SLC39A11: variants seen among roughly 807,000 people sequenced by gnomAD.
The protein encoded by SLC39A11 is solute carrier family 39 member 11.
In SLC39A11, 33 loss-of-function variants were observed where a neutral mutation model predicts 36.1. The ratio of observed to expected loss-of-function variants is 0.91; its 90% CI spans 0.69 to 1.22. The LOEUF (loss-of-function observed/expected upper bound fraction) is 1.22. Ranked by LOEUF, SLC39A11 falls within the 50% of genes most tolerant of loss-of-function variation. The probability of loss-of-function intolerance (pLI) is 0.00; values close to 1 mark genes in which losing one functional copy is unlikely to be tolerated. For missense variants in SLC39A11, 432 were observed against 430.3 expected (o/e 1.00, Z -0.03); for synonymous variants, 166 against 170.3 (o/e 0.97, Z 0.20).
At chr17:73,038,629 C>G (rs1230445947) in intron 3 of SLC39A11, among the ~76,000 whole-genome samples, 1 of 151,452 alleles carries the variant, frequency 6.6e-6, no homozygotes, top group Non-Finnish European at 1.5e-5. Context: ...ATCACTTGAA[C>G]CCAGGAGGCA....
chr17:72,923,414 A>G (rs1313444787), intron 5 of SLC39A11, among the ~76,000 whole-genome samples: 1 of 152,242 alleles, frequency 6.6e-6, no homozygotes, highest in Non-Finnish European at 1.5e-5. Context: ...CTGCATATAT[A>G]CAAAGAGCCA....
At chr17:72,692,502 G>C (rs979886331) in intron 7 of SLC39A11, among the ~76,000 whole-genome samples, 4 of 152,134 alleles carry the variant, frequency 2.6e-5, no homozygotes, top group African/African-American at 9.7e-5. Context: ...TTACATGGTG[G>C]CAGCAAGAGA....
chr17:72,652,237 T>G (rs1355676958), intron 7 of SLC39A11, among the ~76,000 whole-genome samples: 1 of 152,208 alleles, frequency 6.6e-6, no homozygotes, highest in East Asian at 1.9e-4. Context: ...GATAGCTCAG[T>G]GGCTGCAGAA....
Position 72,745,716 on chromosome 17 carries a change from C to G in SLC39A11, c.602-8997G>C, listed in dbSNP as rs539249582. Among the ~76,000 whole-genome samples, 6 of 152,288 alleles carry G rather than the reference C, an allele frequency of 3.9e-5. 1 individual carries two copies. In the South Asian group the frequency reaches 1.2e-3, roughly 32 times the overall value. Reference sequence around the variant, plus strand: ...TCCAACTGGGCCTCTGGTTTAAGCACTCATAGTATCAGTTTTAGAAGTTAT... The same window carrying G: ...TCCAACTGGGCCTCTGGTTTAAGCAGTCATAGTATCAGTTTTAGAAGTTAT... On this transcript the variant is annotated intron_variant, in intron 6 of 9. Transcript: ENST00000255559.
At chr17:72,995,589 C>T (rs2089456635) in intron 4 of SLC39A11, among the ~76,000 whole-genome samples, 1 of 152,164 alleles carries the variant, frequency 6.6e-6, no homozygotes, top group South Asian at 2.1e-4. Context: ...CCATGGAGGG[C>T]CTGAATAGAA....
chr17:72,980,673 A>G (rs2088231663), intron 4 of SLC39A11, among the ~76,000 whole-genome samples: 1 of 152,226 alleles, frequency 6.6e-6, no homozygotes, highest in African/African-American at 2.4e-5. Flanking sequence ...AGCAACTGAA[A>G]CAGAATAGTA....
intron 4 of SLC39A11, among the ~76,000 whole-genome samples, chr17:72,987,670 C>T (rs2088857682): frequency 1.3e-5 from 2 of 152,082 alleles, no homozygotes; most frequent in African/African-American, 4.8e-5. Flanking sequence ...TGTTTTTTTC[C>T]TTGCCTAAAG....
intron 5 of SLC39A11, among the ~76,000 whole-genome samples, chr17:72,930,255 T>C (rs148644176): frequency 4.0e-4 from 61 of 152,296 alleles, no homozygotes; most frequent in African/African-American, 1.5e-3. Context: ...CCTGTTCCCT[T>C]GCTTTGTTGT....
chr17:72,751,861 G>C (rs1182167663), intron 6 of SLC39A11, among the ~76,000 whole-genome samples: 1 of 151,838 alleles, frequency 6.6e-6, no homozygotes, highest in Non-Finnish European at 1.5e-5. Flanking sequence ...ACAGGTATGA[G>C]CCACTGCACC....
intron 4 of SLC39A11, among the ~76,000 whole-genome samples, chr17:73,000,748 C>T (rs1287908213): frequency 6.6e-6 from 1 of 152,180 alleles, no homozygotes; most frequent in Non-Finnish European, 1.5e-5. Flanking sequence ...TTTTTAAAAT[C>T]CTACATTGAC....
chr17:73,083,015 CAAAAAAAAAA>C (rs34607510), intron 3 of SLC39A11, among the ~76,000 whole-genome samples: 1 of 89,784 alleles, frequency 1.1e-5, no homozygotes, highest in African/African-American at 4.5e-5. Flanking sequence ...GACTCCATTT[CAAAAAAAAAA>C]AAAAAAAAAA....
intron 6 of SLC39A11, among the ~76,000 whole-genome samples, chr17:72,756,834 T>C (rs1482466414): frequency 6.6e-6 from 1 of 152,044 alleles, no homozygotes; most frequent in African/African-American, 2.4e-5. Flanking sequence ...GAAAAAAAAC[T>C]AAAATGAAGG....
chr17:73,047,990 AATATATATAT>A lies in SLC39A11; in HGVS notation c.148-16286_148-16277del, dbSNP rs151142811. ...TCAAAAAAAAAAAAAAAAAAAAAAA[AATATATATAT>A]ATATATATATATATATATATATATA... On this transcript the variant is annotated intron_variant, in intron 3 of 9. Transcript: ENST00000255559. 3.4e-3 allele frequency among the ~76,000 whole-genome samples: 201 copies of A among 58,558 alleles called. 2 individuals carry two copies. Among genetic ancestry groups the A allele is most frequent in the East Asian group, 0.023 (43 of 1,866 alleles). The allele number at this position is 58,558 out of a possible 152,430, so 38.4% of individuals were successfully genotyped here. A position where few individuals can be genotyped will look rare whatever the true frequency, so the allele number is the denominator to read the frequency against.
At chr17:72,887,886 A>T (rs1438026422) in intron 5 of SLC39A11, among the ~76,000 whole-genome samples, 2 of 152,196 alleles carry the variant, frequency 1.3e-5, no homozygotes, top group Non-Finnish European at 2.9e-5. Flanking sequence ...CTAAACCCTA[A>T]GTGTGAATGT....
chr17:72,944,890 T>C (rs1265386522), intron 5 of SLC39A11, among the ~76,000 whole-genome samples: 6 of 152,218 alleles, frequency 3.9e-5, no homozygotes, highest in African/African-American at 9.6e-5. Context: ...GGTGTGATTA[T>C]AGAAACATGA....
At chr17:72,826,505 A>G (rs528595904) in intron 6 of SLC39A11, among the ~76,000 whole-genome samples, 1 of 152,364 alleles carries the variant, frequency 6.6e-6, no homozygotes, top group South Asian at 2.1e-4. Flanking sequence ...AATTGGAACT[A>G]TACTTTCTTT....
At chr17:72,932,292 TTTA>T (rs544893367) in intron 5 of SLC39A11, among the ~76,000 whole-genome samples, 3 of 144,424 alleles carry the variant, frequency 2.1e-5, no homozygotes. Flanking sequence ...GACCTGTTCT[TTTA>T]TTATTATTAT....
At chr17:73,004,224 AAAG>A (rs879380445) in intron 4 of SLC39A11, among the ~76,000 whole-genome samples, 14,286 of 78,912 alleles carry the variant, frequency 0.18, 1,971 homozygotes, top group Non-Finnish European at 0.21. Flanking sequence ...AGAAAGAAAG[AAAG>A]AAAGAAAAGA....
chr17:72,909,951 A>C (rs1372548054), intron 5 of SLC39A11, among the ~76,000 whole-genome samples: 1 of 150,810 alleles, frequency 6.6e-6, no homozygotes, highest in African/African-American at 2.4e-5. Context: ...ACGGGGTTTC[A>C]CCGTGTTAGC....
Sources: allele counts gnomAD v4.1 joint callset (sites outside exome capture counted in the v4.1 genomes callset), GRCh38; gene constraint gnomAD v4.1.1; transcripts MANE v1.5; gene names NCBI Gene and HGNC (gene_info 2026-07-23, HGNC 2026-07-21).